The following NECTIN3 variants were observed in gnomAD, a reference collection of about 807,000 sequenced individuals.
The protein encoded by NECTIN3 is nectin cell adhesion molecule 3.
A neutral mutation model predicts 49.4 loss-of-function variants in NECTIN3; 8 were observed. The ratio of observed to expected loss-of-function variants is 0.16; its 90% CI spans 0.10 to 0.29. The LOEUF (loss-of-function observed/expected upper bound fraction) is 0.29, where lower values mean the gene tolerates loss of function less well. Ranked by LOEUF, NECTIN3 falls within the 10% of genes least tolerant of loss-of-function variation. NECTIN3 has a pLI of 1.00. For synonymous variants in NECTIN3, 277 were observed against 241.1 expected (o/e 1.15, Z -1.38); for missense variants, 581 against 654.6 (o/e 0.89, Z 1.23).
chr3:111,100,277 G>T (rs1002240853), intron 1 of NECTIN3, among the ~76,000 whole-genome samples: 3 of 152,102 alleles, frequency 2.0e-5, no homozygotes, highest in African/African-American at 4.8e-5. Context: ...TAAAGCGCCA[G>T]TTCCTTACAT....
In NECTIN3 at chr3:111,137,465, G is replaced by T. The variant is rs1274074858; in HGVS notation, c.*3250G>T. On this transcript the variant is annotated 3_prime_UTR_variant, in exon 6 of 6. Transcript: ENST00000485303. ...TTTTTGTTTTGTTTTGTTTTGTTTT[G>T]TTTTTTCTTTTTTAACCAACCTGTG... The T allele has an allele frequency of 1.5e-5, 14 of 964,090 alleles. No individual in the cohort carries two copies. The African/African-American group carries it at 1.8e-4, about 13-fold the overall frequency. 59.7% of individuals were successfully genotyped at this position (964,090 alleles called of 1,614,324 possible).
intron 7 of NECTIN3, among the ~76,000 whole-genome samples, chr3:111,154,160 C>G (rs147499800): frequency 0.016 from 2,411 of 152,222 alleles, 72 homozygotes; most frequent in African/African-American, 0.055. Flanking sequence ...TAATCTCCCC[C>G]CTCTAGTCCT....
intron 7 of NECTIN3, among the ~76,000 whole-genome samples, chr3:111,158,544 C>T (rs1185835108): frequency 6.6e-6 from 1 of 152,002 alleles, no homozygotes; most frequent in African/African-American, 2.4e-5. Flanking sequence ...AAAATAGTAG[C>T]TTTACTTTTA....
chr3:111,099,963 A>G (rs1321465960), intron 1 of NECTIN3, among the ~76,000 whole-genome samples: 1 of 152,144 alleles, frequency 6.6e-6, no homozygotes, highest in Non-Finnish European at 1.5e-5. Flanking sequence ...CTTGTTTTAT[A>G]GGTGATAAAA....
chr3:111,162,513 A>G (rs1301472588), intron 7 of NECTIN3, among the ~76,000 whole-genome samples: 24 of 152,202 alleles, frequency 1.6e-4, no homozygotes, highest in Admixed American at 1.6e-3. Context: ...CTCACCAGCC[A>G]TGTGGAACTG....
chr3:111,098,703 A>G (rs2032731099), intron 1 of NECTIN3, among the ~76,000 whole-genome samples: 1 of 152,152 alleles, frequency 6.6e-6, no homozygotes, highest in Non-Finnish European at 1.5e-5. Context: ...CTCTTTCTGC[A>G]TCTGTGCTCT....
chr3:111,187,601 T>C (rs931405880), upstream of NECTIN3, among the ~76,000 whole-genome samples: 13 of 152,072 alleles, frequency 8.5e-5, no homozygotes, highest in African/African-American at 2.7e-4. Flanking sequence ...ATTCAGACAA[T>C]GGAATATTAT....
chr3:111,153,976 T>A (rs73229196), intron 7 of NECTIN3, among the ~76,000 whole-genome samples: 10,242 of 152,230 alleles, frequency 0.067, 458 homozygotes, highest in Non-Finnish European at 0.093. Flanking sequence ...CTTCCTTTTT[T>A]AAGAAGAGCT....
intron 1 of NECTIN3, among the ~76,000 whole-genome samples, chr3:111,080,172 A>G (rs1466366876): frequency 1.3e-5 from 2 of 152,160 alleles, no homozygotes; most frequent in Admixed American, 1.3e-4. Flanking sequence ...AAATAAAATT[A>G]AGAAATTATG....
chr3:111,177,172 A>G (rs1297505404), intron 7 of NECTIN3, among the ~76,000 whole-genome samples: 1 of 152,192 alleles, frequency 6.6e-6, no homozygotes, highest in African/African-American at 2.4e-5. Flanking sequence ...TTAAGTTTTT[A>G]AAAAGAAGAA....
intron 7 of NECTIN3, among the ~76,000 whole-genome samples, chr3:111,157,332 T>A (rs1471073533): frequency 6.6e-6 from 1 of 152,190 alleles, no homozygotes; most frequent in African/African-American, 2.4e-5. Flanking sequence ...TCATTCTTTA[T>A]GATGAGTTTC....
intron 2 of NECTIN3, 33 bp from the exon 3 acceptor site, chr3:111,118,623 A>T (rs2033810705): frequency 6.8e-7 from 1 of 1,476,388 alleles, no homozygotes; most frequent in Non-Finnish European, 9.0e-7. Context: ...TCTTGTTTGA[A>T]TGTAACTAAT....
At chr3:111,184,538 T>A (rs1319995942) in intron 7 of NECTIN3, among the ~76,000 whole-genome samples, 1 of 152,154 alleles carries the variant, frequency 6.6e-6, no homozygotes, top group Non-Finnish European at 1.5e-5. Flanking sequence ...GATATTGAAC[T>A]TCCCAGCCTT....
intron 7 of NECTIN3, among the ~76,000 whole-genome samples, chr3:111,150,403 T>C (rs986102993): frequency 6.6e-6 from 1 of 151,986 alleles, no homozygotes; most frequent in Non-Finnish European, 1.5e-5. Context: ...TGAACAGTAT[T>C]TCATGTATAA....
upstream of NECTIN3, among the ~76,000 whole-genome samples, chr3:111,188,637 G>C (rs1207065740): frequency 6.6e-6 from 1 of 152,156 alleles, no homozygotes; most frequent in Admixed American, 6.5e-5. Context: ...AAATCTGTTT[G>C]TATTGAAGCA....
chr3:111,173,374 C>G (rs1222227867), intron 7 of NECTIN3, among the ~76,000 whole-genome samples: 1 of 152,144 alleles, frequency 6.6e-6, no homozygotes, highest in East Asian at 1.9e-4. Flanking sequence ...TTTTTTCAGT[C>G]AAGATCCTCT....
At chr3:111,133,389 A>C (rs985265628) in intron 5 of NECTIN3, among the ~76,000 whole-genome samples, 1 of 152,098 alleles carries the variant, frequency 6.6e-6, no homozygotes, top group Non-Finnish European at 1.5e-5. Context: ...GAATTACAAC[A>C]TAGGTTTACA....
chr3:111,128,579 T>A (rs1049043935), intron 5 of NECTIN3, among the ~76,000 whole-genome samples: 1 of 152,258 alleles, frequency 6.6e-6, no homozygotes, highest in Non-Finnish European at 1.5e-5. Context: ...CCAAACATAT[T>A]TCTGTACTCA....
chr3:111,193,066 T>C, intron 1 of NECTIN3: 1 of 747,030 alleles, frequency 1.3e-6, no homozygotes, highest in Non-Finnish European at 2.1e-6. Flanking sequence ...AACTTTACCT[T>C]GCCATTCAAT....
Sources: gnomAD v4.1 joint callset for allele counts (sites outside exome capture counted in the v4.1 genomes callset) on GRCh38, gnomAD v4.1.1 for gene constraint, MANE v1.5 for transcripts, NCBI Gene and HGNC (gene_info 2026-07-23, HGNC 2026-07-21) for gene names.